Variants in CDC42BPA observed in about 807,000 individuals in gnomAD.
CDC42BPA encodes serine/threonine-protein kinase MRCK alpha.
CDC42BPA carries 80 observed loss-of-function variants against 223.5 expected under a neutral mutation model. That is an observed-to-expected ratio of 0.36 (90% CI 0.30 to 0.43). CDC42BPA has a LOEUF of 0.43. Ranked by LOEUF, CDC42BPA falls within the 20% of genes least tolerant of loss-of-function variation. The pLI, the probability that CDC42BPA is intolerant of heterozygous loss-of-function variation, is 1.00. For synonymous variants in CDC42BPA, 694 were observed against 718.6 expected (o/e 0.97, Z 0.55); for missense variants, 1,743 against 2,099.9 (o/e 0.83, Z 3.32).
intron 1 of CDC42BPA, among the ~76,000 whole-genome samples, chr1:227,296,984 T>A (rs1690757162): frequency 6.6e-6 from 1 of 152,082 alleles, no homozygotes; most frequent in Admixed American, 6.5e-5. Flanking sequence ...AAAAGATAAA[T>A]GCAATTTTTA....
At chr1:227,251,241 A>T (rs1435049968) in intron 2 of CDC42BPA, among the ~76,000 whole-genome samples, 1 of 152,178 alleles carries the variant, frequency 6.6e-6, no homozygotes, top group Admixed American at 6.5e-5. Flanking sequence ...ATGAAAAAAA[A>T]AAGGTAGAAA....
At chr1:227,181,544 C>A (rs1016837117) in intron 5 of CDC42BPA, among the ~76,000 whole-genome samples, 1 of 152,028 alleles carries the variant, frequency 6.6e-6, no homozygotes, top group African/African-American at 2.4e-5. Context: ...CTACTATTTT[C>A]TTTTATTTTA....
intron 2 of CDC42BPA, chr1:227,235,331 C>A (rs1467978921): frequency 1.3e-5 from 2 of 152,192 alleles, no homozygotes; most frequent in Non-Finnish European, 2.9e-5. Flanking sequence ...AGAAATCTCA[C>A]ACACTGATCA....
chr1:227,253,705 G>A (rs1682565956), intron 2 of CDC42BPA, among the ~76,000 whole-genome samples: 1 of 151,814 alleles, frequency 6.6e-6, no homozygotes, highest in South Asian at 2.1e-4. Context: ...TGGGAGAGGG[G>A]GAGAAAAAGG....
intron 22 of CDC42BPA, 140 bp from the exon 23 acceptor site, chr1:227,048,150 C>A (rs1672838051): frequency 4.3e-6 from 2 of 466,630 alleles, no homozygotes; most frequent in Non-Finnish European, 7.6e-6. Flanking sequence ...AAGAAAACCT[C>A]AATAAAGCTA....
intron 2 of CDC42BPA, among the ~76,000 whole-genome samples, chr1:227,240,732 C>T (rs571895357): frequency 3.6e-4 from 54 of 150,674 alleles, no homozygotes; most frequent in African/African-American, 1.2e-3. Flanking sequence ...TCACATCAGA[C>T]ATGAATTTGA....
intron 6 of CDC42BPA, among the ~76,000 whole-genome samples, chr1:227,158,820 C>T (rs1663311027): frequency 3.3e-5 from 5 of 152,170 alleles, no homozygotes; most frequent in Admixed American, 3.3e-4. Flanking sequence ...GTACAATGCA[C>T]AGCCCAACCT....
intron 3 of CDC42BPA, among the ~76,000 whole-genome samples, chr1:227,210,383 T>A (rs1044122370): frequency 6.6e-6 from 1 of 152,146 alleles, no homozygotes; most frequent in African/African-American, 2.4e-5. Flanking sequence ...CCCTAGCTGG[T>A]CTACCTTATT....
chr1:227,015,406 G>C (rs890760395), intron 34 of CDC42BPA, among the ~76,000 whole-genome samples: 1 of 150,882 alleles, frequency 6.6e-6, no homozygotes, highest in African/African-American at 2.4e-5. Context: ...CTGGGTGATA[G>C]AATGAGACTC....
chr1:227,079,780 A>C (rs1203061306), intron 17 of CDC42BPA, among the ~76,000 whole-genome samples: 1 of 152,072 alleles, frequency 6.6e-6, no homozygotes, highest in East Asian at 1.9e-4. Flanking sequence ...CAAATGACTG[A>C]TCTATAAATA....
chr1:227,154,237 C>G (rs574852012), intron 6 of CDC42BPA, among the ~76,000 whole-genome samples: 21 of 151,980 alleles, frequency 1.4e-4, no homozygotes, highest in African/African-American at 4.8e-4. Flanking sequence ...CAAAAAAACT[C>G]TGGTAATCAG....
intron 4 of CDC42BPA, among the ~76,000 whole-genome samples, chr1:227,197,051 C>G (rs1053488564): frequency 5.9e-5 from 9 of 152,036 alleles, no homozygotes; most frequent in Admixed American, 3.9e-4. Context: ...CACAAAAAGT[C>G]TACTTGCTAT....
chr1:227,263,894 T>C (rs116692077), intron 1 of CDC42BPA, among the ~76,000 whole-genome samples: 298 of 152,272 alleles, frequency 2.0e-3, no homozygotes, highest in Non-Finnish European at 3.4e-3. Context: ...GAATCAAATG[T>C]AAATGAAGTA....
At chr1:227,272,962 T>C (rs1194614836) in intron 1 of CDC42BPA, among the ~76,000 whole-genome samples, 1 of 152,202 alleles carries the variant, frequency 6.6e-6, no homozygotes, top group Admixed American at 6.5e-5. Context: ...TCAAACGTAT[T>C]GGCAAGATAA....
intron 12 of CDC42BPA, among the ~76,000 whole-genome samples, chr1:227,117,905 T>C (rs1302817565): frequency 6.6e-6 from 1 of 151,272 alleles, no homozygotes; most frequent in East Asian, 1.9e-4. Context: ...CCCAAATATT[T>C]CCAAGAATTC....
At chr1:227,142,268 C>T (rs1409344893) in intron 9 of CDC42BPA, among the ~76,000 whole-genome samples, 1 of 152,050 alleles carries the variant, frequency 6.6e-6, no homozygotes, top group African/African-American at 2.4e-5. Flanking sequence ...GGAATTTAAA[C>T]AGGGTAAGGG....
chr1:227,247,071 G>T (rs778238392), intron 2 of CDC42BPA, among the ~76,000 whole-genome samples: 2 of 151,396 alleles, frequency 1.3e-5, no homozygotes, highest in Non-Finnish European at 2.9e-5. Context: ...GGTGGTGGTG[G>T]GTGCCTGTAA....
intron 12 of CDC42BPA, among the ~76,000 whole-genome samples, chr1:227,118,784 AGC>A (rs1688171118): frequency 6.6e-6 from 1 of 152,094 alleles, no homozygotes; most frequent in African/African-American, 2.4e-5. Context: ...ATATTATTAA[AGC>A]AAATAGAACA....
chr1:227,069,920 C>T (rs1677925468), intron 20 of CDC42BPA, 67 bp from the exon 21 acceptor site: 1 of 1,053,196 alleles, frequency 9.5e-7, no homozygotes, highest in South Asian at 1.4e-5. Flanking sequence ...GATAACCTTC[C>T]CTGTCTGAAT....
Sources: gnomAD v4.1 joint callset for allele counts (sites outside exome capture counted in the v4.1 genomes callset) on GRCh38, gnomAD v4.1.1 for gene constraint, MANE v1.5 for transcripts, NCBI Gene and HGNC (gene_info 2026-07-23, HGNC 2026-07-21) for gene names.